The following PRKN variants were observed in gnomAD, a reference collection of about 807,000 sequenced individuals.
The protein encoded by PRKN is E3 ubiquitin-protein ligase parkin.
Under a neutral mutation model 59.5 loss-of-function variants are expected in PRKN, and 56 were observed. The ratio of observed to expected loss-of-function variants is 0.94; its 90% CI spans 0.76 to 1.18. The LOEUF is 1.18. Ranked by LOEUF, PRKN falls within the 50% of genes most tolerant of loss-of-function variation. The probability of loss-of-function intolerance (pLI) is 0.00; values close to 1 mark genes in which losing one functional copy is unlikely to be tolerated. For synonymous variants in PRKN, 250 were observed against 222.1 expected, an observed-to-expected ratio of 1.13 and a Z score of -1.12; for missense variants, 657 against 596.4, an observed-to-expected ratio of 1.10 and a Z score of -1.06.
At chr6:162,594,194 A>G (rs1781412967) in intron 1 of PRKN, among the ~76,000 whole-genome samples, 1 of 152,114 alleles carries the variant, frequency 6.6e-6, no homozygotes, top group Non-Finnish European at 1.5e-5. Context: ...GTAGTCTTAA[A>G]CCTTTTTGCT....
chr6:162,219,412 T>C (rs537542120), intron 3 of PRKN, among the ~76,000 whole-genome samples: 1 of 152,322 alleles, frequency 6.6e-6, no homozygotes, highest in South Asian at 2.1e-4. Context: ...ATTATTGGCT[T>C]TATTTCATTT....
At chr6:161,704,427 C>A (rs1380833745) in intron 7 of PRKN, among the ~76,000 whole-genome samples, 1 of 152,148 alleles carries the variant, frequency 6.6e-6, no homozygotes, top group Non-Finnish European at 1.5e-5. Context: ...TCTACTTAAA[C>A]CTCACCTTAG....
At chr6:161,628,063 T>C (rs769726832) in intron 7 of PRKN, among the ~76,000 whole-genome samples, 4 of 152,186 alleles carry the variant, frequency 2.6e-5, no homozygotes, top group Non-Finnish European at 5.9e-5. Flanking sequence ...ATTAGAGTAA[T>C]GTTGGAAAAT....
At chr6:162,347,162 C>A (rs1784437804) in intron 2 of PRKN, among the ~76,000 whole-genome samples, 1 of 142,304 alleles carries the variant, frequency 7.0e-6, no homozygotes, top group South Asian at 2.3e-4. Context: ...TTTTATTTAT[C>A]CATTTTCTTT....
rs899591801 is a variant in PRKN at position 161,448,690 on chromosome 6, T to C, written c.1084-61813A>G. Among the ~76,000 whole-genome samples the C allele has an allele frequency of 6.6e-6, 1 of 152,146 alleles. No homozygotes were observed. The highest frequency in any genetic ancestry group is 2.4e-5 in the African/African-American group (1 of 41,428). ...AGGCTTTTATCTGCTTCCTCCTAATTTGTGGGGGCAAGAGGCTAGACATCT... is the reference window on the plus strand; with the variant it reads ...AGGCTTTTATCTGCTTCCTCCTAATCTGTGGGGGCAAGAGGCTAGACATCT... On this transcript the variant is annotated intron_variant, in intron 9 of 11. Transcript: ENST00000366898. This position sits in a 1 kb window ranked among gnomAD's most constrained non-coding sequence, Gnocchi z 5.1.
rs1780897424 is a variant in PRKN, at chr6:161,973,334, C to T, written c.702G>A (p.Arg234=). 3 of 1,613,628 alleles carry T rather than the reference C, an allele frequency of 1.9e-6. No homozygotes were observed. The highest frequency in any genetic ancestry group is 1.3e-5 in the African/African-American group (1 of 75,028). Residue 234 remains arginine, a synonymous_variant, in exon 6 of 12, where the codon CGG becomes CGA. Transcript: ENST00000366898. The part of the protein sequence containing the change: ...VALHLIATNS[R]NITCITCTDV... ...CTGTGCACGTAATGCAAGTGATGTT[C>T]CGACTATTTGTTGCGATCAGGTGCA...
At chr6:162,225,797 T>C (rs1010544564) in intron 3 of PRKN, among the ~76,000 whole-genome samples, 1 of 151,852 alleles carries the variant, frequency 6.6e-6, no homozygotes, top group Non-Finnish European at 1.5e-5. Context: ...AAATCTCATA[T>C]AAAAGGACAA....
intron 1 of PRKN, among the ~76,000 whole-genome samples, chr6:162,513,385 G>A (rs1363312031): frequency 2.0e-5 from 3 of 151,872 alleles, no homozygotes; most frequent in Non-Finnish European, 4.4e-5. Context: ...AGGCTGAGGT[G>A]GGAGAGTCAC....
intron 9 of PRKN, among the ~76,000 whole-genome samples, chr6:161,408,637 A>C (rs1435058768): frequency 6.6e-6 from 1 of 151,926 alleles, no homozygotes; most frequent in East Asian, 1.9e-4. Flanking sequence ...TGATACCGGG[A>C]GTGGACATGT....
chr6:162,190,934 C>T (rs867513751), intron 4 of PRKN, among the ~76,000 whole-genome samples: 3 of 152,112 alleles, frequency 2.0e-5, no homozygotes, highest in East Asian at 1.9e-4. Flanking sequence ...AGTGCTCAAA[C>T]GGATAATATG....
Position 162,410,737 on chromosome 6 carries a change from C to A in PRKN, c.171+32573G>T, listed in dbSNP as rs1332433485. Among the ~76,000 whole-genome samples the A allele has an allele frequency of 2.0e-5, 3 of 152,184 alleles. No homozygotes were observed. In the East Asian group the frequency reaches 5.8e-4, roughly 29 times the overall value. On this transcript the variant is annotated intron_variant, in intron 2 of 11. Transcript: ENST00000366898. ...TTCTTGCCAACTCTCATCCAGGAGG[C>A]TTTTCCTTAGTGATCTGCTCCACTA...
chr6:162,264,299 A>ATTAAT (rs1304532039), intron 2 of PRKN, among the ~76,000 whole-genome samples: 6 of 152,116 alleles, frequency 3.9e-5, no homozygotes, highest in African/African-American at 7.2e-5. Context: ...ATTAAATTAA[A>ATTAAT]TTAAATACAA....
intron 4 of PRKN, among the ~76,000 whole-genome samples, chr6:162,132,754 G>GA (rs1430473784): frequency 6.6e-6 from 1 of 152,086 alleles, no homozygotes; most frequent in Non-Finnish European, 1.5e-5. Context: ...CTCTATCTCT[G>GA]AAATCTACTC....
rs374854273 is a variant in PRKN at position 162,183,922 on chromosome 6, C to A, written c.534+17209G>T. The stretch of plus-strand genomic sequence containing the variant: ...TGCACCTGACTGCCCCAGGGAGAAT[C>A]CCCTGAACTAGTGCTATCTAAGAGA... On this transcript the variant is annotated intron_variant, in intron 4 of 11. Transcript: ENST00000366898. Among the ~76,000 whole-genome samples the A allele has an allele frequency of 7.2e-5, 11 of 152,306 alleles. No homozygotes were observed. In the South Asian group the frequency reaches 2.1e-3, roughly 29 times the overall value.
At chr6:162,183,214 C>T (rs1783875430) in intron 4 of PRKN, among the ~76,000 whole-genome samples, 1 of 152,066 alleles carries the variant, frequency 6.6e-6, no homozygotes, top group African/African-American at 2.4e-5. Flanking sequence ...AAGGTGGCTG[C>T]TATTCAGATA....
intron 9 of PRKN, among the ~76,000 whole-genome samples, chr6:161,543,186 G>A (rs367863763): frequency 2.0e-5 from 3 of 152,036 alleles, no homozygotes; most frequent in Non-Finnish European, 4.4e-5. Flanking sequence ...CCTTTCCTAC[G>A]TTAAAGGCTG....
chr6:161,536,657 A>G (rs1779426049), intron 9 of PRKN, among the ~76,000 whole-genome samples: 1 of 152,140 alleles, frequency 6.6e-6, no homozygotes, highest in Non-Finnish European at 1.5e-5. Flanking sequence ...CATGCTGGCT[A>G]TTTTATTCAC....
rs1281045096 is a variant in PRKN at position 161,730,487 on chromosome 6, T to C, written c.871+55285A>G. ...CCATTCTGATGTGTTGCATTCTTTC[T>C]GATATGTTGCAGTCTGATGTGTTGC... On this transcript the variant is annotated intron_variant, in intron 7 of 11. Transcript: ENST00000366898. Among the ~76,000 whole-genome samples the C allele has an allele frequency of 8.0e-5, 12 of 150,908 alleles. 1 individual carries two copies. Among genetic ancestry groups the C allele is most frequent in the African/African-American group, 3.0e-4 (12 of 40,356 alleles).
chr6:162,544,737 G>A (rs1288812036), intron 1 of PRKN, among the ~76,000 whole-genome samples: 1 of 144,142 alleles, frequency 6.9e-6, no homozygotes, highest in African/African-American at 2.6e-5. Context: ...GAGAGCAGTG[G>A]CGCGATGTCG....
Sources: allele counts gnomAD v4.1 joint callset (sites outside exome capture counted in the v4.1 genomes callset), GRCh38; gene constraint gnomAD v4.1.1; non-coding constraint Gnocchi (gnomAD v3.1); transcripts MANE v1.5; gene names NCBI Gene and HGNC (gene_info 2026-07-23, HGNC 2026-07-21).